MTMR7: variants seen among roughly 807,000 people sequenced by gnomAD.
The protein encoded by MTMR7 is myotubularin related protein 7.
A neutral mutation model predicts 81.2 loss-of-function variants in MTMR7; 76 were observed. The ratio of observed to expected loss-of-function variants is 0.94; its 90% CI spans 0.78 to 1.13. MTMR7 has a LOEUF of 1.13. Ranked by LOEUF, MTMR7 falls within the 50% of genes most tolerant of loss-of-function variation. The pLI, the probability that MTMR7 is intolerant of heterozygous loss-of-function variation, is 0.00. For missense variants in MTMR7, 1,044 were observed against 820.0 expected, an observed-to-expected ratio of 1.27 and a Z score of -3.34; for synonymous variants, 372 against 289.8, an observed-to-expected ratio of 1.28 and a Z score of -2.88.
rs1408959863 is a variant in MTMR7 at position 17,298,911 on chromosome 8, A to ATGAT, written c.*947_*950dup. ...ATTAGCCAGTTACATAATTTCTAAA[A>ATGAT]TGATAGATTACAAAACCTATTCCCT... On this transcript the variant is annotated 3_prime_UTR_variant, in exon 14 of 14. Transcript: ENST00000180173. 18 of 152,322 alleles carry ATGAT rather than the reference A, an allele frequency of 1.2e-4. No individual in the cohort carries two copies. The highest frequency in any genetic ancestry group is 1.2e-3 in the East Asian group (6 of 5,188). The allele number at this position is 152,322 out of a possible 1,614,324, so 9.4% of individuals were successfully genotyped here.
intron 1 of MTMR7, among the ~76,000 whole-genome samples, chr8:17,387,232 G>C (rs1285929652): frequency 6.6e-6 from 1 of 152,178 alleles, no homozygotes; most frequent in Non-Finnish European, 1.5e-5. Flanking sequence ...TGATGTACCA[G>C]CATCTGTTTC....
At chr8:17,408,569 G>C (rs1443264081) in intron 1 of MTMR7, among the ~76,000 whole-genome samples, 1 of 152,106 alleles carries the variant, frequency 6.6e-6, no homozygotes, top group Non-Finnish European at 1.5e-5. Flanking sequence ...TCAAGATCCT[G>C]AGAGATGGGG....
chr8:17,308,476 A>C (rs528782973), intron 10 of MTMR7, among the ~76,000 whole-genome samples: 5 of 152,342 alleles, frequency 3.3e-5, no homozygotes, highest in Non-Finnish European at 7.3e-5. Flanking sequence ...CTAAAAGCAA[A>C]AAACTACAAA....
intron 3 of MTMR7, among the ~76,000 whole-genome samples, chr8:17,363,208 G>A (rs1563358809): frequency 6.6e-6 from 1 of 152,184 alleles, no homozygotes; most frequent in Non-Finnish European, 1.5e-5. Context: ...GCTCAACATT[G>A]ACACATCTTT....
At chr8:17,302,342 A>T (rs1817172448) in intron 12 of MTMR7, 62 bp from the exon 13 acceptor site, 3 of 1,544,968 alleles carry the variant, frequency 1.9e-6, no homozygotes, top group South Asian at 2.5e-5. Context: ...TCACATCCTC[A>T]AGTCTTCTAA....
intron 4 of MTMR7, among the ~76,000 whole-genome samples, chr8:17,355,395 C>T (rs1000704299): frequency 1.3e-5 from 2 of 151,918 alleles, no homozygotes; most frequent in African/African-American, 4.8e-5. Flanking sequence ...TGGAAGTGTC[C>T]ATTCTAGCCC....
At chr8:17,348,707 A>G (rs1167674608) in intron 5 of MTMR7, among the ~76,000 whole-genome samples, 1 of 152,146 alleles carries the variant, frequency 6.6e-6, no homozygotes. Flanking sequence ...GATTAGCTTT[A>G]GGGGTTTTCT....
At chr8:17,386,427 T>G (rs184702221) in intron 1 of MTMR7, among the ~76,000 whole-genome samples, 1 of 152,340 alleles carries the variant, frequency 6.6e-6, no homozygotes, top group Admixed American at 6.5e-5. Context: ...ACAGATGATC[T>G]GATTCCACCT....
At chr8:17,328,977 T>G (rs560920295) in intron 7 of MTMR7, among the ~76,000 whole-genome samples, 1 of 152,360 alleles carries the variant, frequency 6.6e-6, no homozygotes, top group African/African-American at 2.4e-5. Flanking sequence ...GTCCTAGATT[T>G]CAGTTTCTGA....
At chr8:17,411,451 A>G (rs966638222) in intron 1 of MTMR7, among the ~76,000 whole-genome samples, 2 of 152,172 alleles carry the variant, frequency 1.3e-5, no homozygotes, top group Non-Finnish European at 2.9e-5. Context: ...GAGTTCCTGG[A>G]CGCTTCCAGC....
intron 3 of MTMR7, among the ~76,000 whole-genome samples, chr8:17,365,129 C>A (rs1820186437): frequency 1.3e-5 from 2 of 152,158 alleles, no homozygotes; most frequent in South Asian, 2.1e-4. Flanking sequence ...TGAGGCGATA[C>A]CTCACTGTGG....
At chr8:17,303,582 CTCTCCCCAT>C (rs1414431819) in intron 12 of MTMR7, among the ~76,000 whole-genome samples, 2 of 150,660 alleles carry the variant, frequency 1.3e-5, no homozygotes, top group African/African-American at 4.9e-5. Flanking sequence ...TGCCACCCTG[CTCTCCCCAT>C]TCTCCCCATA....
chr8:17,381,503 GA>G (rs1820760528), intron 1 of MTMR7, among the ~76,000 whole-genome samples: 1 of 152,154 alleles, frequency 6.6e-6, no homozygotes, highest in South Asian at 2.1e-4. Context: ...CAGGGTTCCA[GA>G]ATCATCTCAG....
chr8:17,396,508 G>C (rs1821255134), intron 1 of MTMR7, among the ~76,000 whole-genome samples: 1 of 152,192 alleles, frequency 6.6e-6, no homozygotes, highest in African/African-American at 2.4e-5. Flanking sequence ...AAGCAAAGAT[G>C]TGTTGGGCTC....
At chr8:17,330,789 A>G (rs894479448) in intron 7 of MTMR7, among the ~76,000 whole-genome samples, 14 of 152,196 alleles carry the variant, frequency 9.2e-5, no homozygotes, top group Admixed American at 8.5e-4. Context: ...CCTGATCTCC[A>G]TACAAGAATG....
At chr8:17,352,370 T>G (rs1314647047) in intron 4 of MTMR7, among the ~76,000 whole-genome samples, 1 of 152,142 alleles carries the variant, frequency 6.6e-6, no homozygotes, top group African/African-American at 2.4e-5. Flanking sequence ...CAGATGGTAC[T>G]GGGAAAACTA....
chr8:17,359,295 A>G (rs1002818114), intron 4 of MTMR7, among the ~76,000 whole-genome samples: 3 of 152,182 alleles, frequency 2.0e-5, no homozygotes, highest in African/African-American at 7.2e-5. Context: ...AGTACCATAT[A>G]GCAATGTAGC....
At chr8:17,311,781 C>CTAAT in intron 8 of MTMR7, 145 bp from the exon 9 acceptor site, 1 of 1,288,730 alleles carries the variant, frequency 7.8e-7, no homozygotes, top group South Asian at 1.4e-5. Context: ...AGGGCCCCCC[C>CTAAT]TAATTAGGGC....
chr8:17,322,776 A>G (rs1203159607), intron 7 of MTMR7, among the ~76,000 whole-genome samples: 1 of 152,074 alleles, frequency 6.6e-6, no homozygotes, highest in Non-Finnish European at 1.5e-5. Context: ...TGTGAGCTAC[A>G]GTTGCATCAC....
Sources: gnomAD v4.1 joint callset for allele counts (sites outside exome capture counted in the v4.1 genomes callset) on GRCh38, gnomAD v4.1.1 for gene constraint, MANE v1.5 for transcripts, NCBI Gene and HGNC (gene_info 2026-07-23, HGNC 2026-07-21) for gene names.